Variants in FBXO31 observed in about 807,000 individuals in gnomAD.
FBXO31 encodes F-box protein 31.
In FBXO31, 24 loss-of-function variants were observed where a neutral mutation model predicts 54.4. The ratio of observed to expected loss-of-function variants is 0.44; its 90% CI spans 0.32 to 0.62. FBXO31 has a LOEUF of 0.62. Among genes scored for constraint, FBXO31 ranks in the 20% least tolerant of loss-of-function variants. The pLI is 0.05. For synonymous variants in FBXO31, 388 were observed against 335.6 expected (o/e 1.16, Z -1.71); for missense variants, 665 against 787.1 (o/e 0.84, Z 1.86).
At chr16:87,379,654 T>A (rs899021923) in intron 1 of FBXO31, among the ~76,000 whole-genome samples, 4 of 152,072 alleles carry the variant, frequency 2.6e-5, no homozygotes, top group Non-Finnish European at 5.9e-5. Flanking sequence ...GAGTACTCAT[T>A]TCATCCATCA....
At chr16:87,341,316 G>A (rs1193150902) in intron 5 of FBXO31, among the ~76,000 whole-genome samples, 2 of 152,164 alleles carry the variant, frequency 1.3e-5, no homozygotes, top group Admixed American at 6.5e-5. Context: ...CTCAACAGCT[G>A]AGGAGTTTCT....
chr16:87,336,216 T>C lies in FBXO31; in HGVS notation c.781A>G (p.Ile261Val), dbSNP rs373407826. 6.2e-7 allele frequency: 1 copy of C among 1,614,086 alleles called. No individual in the cohort carries two copies. Among genetic ancestry groups the C allele is most frequent in the Non-Finnish European group, 8.5e-7 (1 of 1,180,036 alleles). The change falls in exon 6 of 9, where the codon ATC (isoleucine) becomes GTC (valine). Residue 261 changes from isoleucine to valine, a missense_variant. Ile to Val is a conservative substitution (Grantham distance 29). Transcript: ENST00000311635. This position sits in a 1 kb window ranked among gnomAD's most constrained non-coding sequence, Gnocchi z 6.5. ...REEWGRTLED[I>V]FHEHMQELIL... ...AGCTCCTGCATGTGCTCGTGGAAGA[T>C]GTCCTCCAGCGTGCGCCCCCATTCC...
chr16:87,342,782 T>A lies in FBXO31; in HGVS notation c.732+95A>T, dbSNP rs898716814. The A allele has an allele frequency of 2.9e-6, 3 of 1,048,888 alleles. No individual in the cohort carries two copies. In the African/African-American group the frequency reaches 4.8e-5, roughly 17 times the overall value. The allele number at this position is 1,048,888 out of a possible 1,614,324, so 65.0% of individuals were successfully genotyped here. A position where few individuals can be genotyped will look rare whatever the true frequency, so the allele number is the denominator to read the frequency against. ...TGAAACAGCCACCATGCAGGTCGCA[T>A]GCTGCTGACTTCTCTCCCGCATGGG... On this transcript the variant is annotated intron_variant, in intron 5 of 8. Coordinates refer to ENST00000311635, the MANE Select transcript of FBXO31 (RefSeq NM_024735.5).
chr16:87,327,397 C>T lies in FBXO31; in HGVS notation c.*3891G>A. 6.5e-6 allele frequency: 1 copy of T among 153,014 alleles called. No individual in the cohort carries two copies. Among genetic ancestry groups the T allele is most frequent in the Non-Finnish European group, 1.5e-5 (1 of 68,588 alleles). The allele number at this position is 153,014 out of a possible 1,614,324, so 9.5% of individuals were successfully genotyped here. A position where few individuals can be genotyped will look rare whatever the true frequency, so the allele number is the denominator to read the frequency against. On this transcript the variant is annotated 3_prime_UTR_variant, in exon 9 of 9. Coordinates refer to ENST00000311635, the MANE Select transcript of FBXO31 (RefSeq NM_024735.5). ...CAAGGCTGGGGCGCAGGGGCTCACG[C>T]CTGTAATCCCAGCACTTTGGGAGGC...
At chr16:87,354,629 G>GA (rs1905814663) in intron 2 of FBXO31, among the ~76,000 whole-genome samples, 1 of 151,900 alleles carries the variant, frequency 6.6e-6, no homozygotes, top group African/African-American at 2.4e-5. Context: ...TGCACCCAAG[G>GA]AAAAAAGAAA....
At chr16:87,331,597 T>C (rs2150666639) in intron 8 of FBXO31, 87 bp from the exon 9 acceptor site, 2 of 1,128,604 alleles carry the variant, frequency 1.8e-6, no homozygotes, top group East Asian at 2.6e-5. Flanking sequence ...CCCCGCTCTG[T>C]GCCGCAAGAG....
intron 1 of FBXO31, among the ~76,000 whole-genome samples, chr16:87,389,073 A>G (rs1907424075): frequency 1.3e-5 from 2 of 152,114 alleles, no homozygotes. Flanking sequence ...ATAAATACTC[A>G]AGCACACTTA....
At chr16:87,347,035 G>T (rs540429755) in intron 3 of FBXO31, 139 bp downstream of exon 3, 13 of 773,802 alleles carry the variant, frequency 1.7e-5, no homozygotes, top group Non-Finnish European at 2.9e-5. Flanking sequence ...AAAAGTGACA[G>T]AGCAAGAATT....
upstream of FBXO31, chr16:87,384,143 C>A (rs935672147): frequency 1.3e-5 from 2 of 154,118 alleles, no homozygotes; most frequent in Admixed American, 1.3e-4. Context: ...TAGGGGTCGC[C>A]CCTCGCGCCC....
At chr16:87,332,022 G>A (rs754897465) in intron 8 of FBXO31, among the ~76,000 whole-genome samples, 1 of 152,238 alleles carries the variant, frequency 6.6e-6, no homozygotes, top group African/African-American at 2.4e-5. Flanking sequence ...ATGGCTTTGA[G>A]GTCAACATCA....
At chr16:87,387,474 T>C (rs1392537056), upstream of FBXO31, among the ~76,000 whole-genome samples, 9 of 152,136 alleles carry the variant, frequency 5.9e-5, no homozygotes, top group Admixed American at 5.9e-4. Flanking sequence ...TTCCAATTGG[T>C]TGCCTCAAAG....
Position 87,334,067 on chromosome 16 carries a change from G to C in FBXO31, c.1216C>G (p.Gln406Glu). 6.2e-7 allele frequency: 1 copy of C among 1,611,452 alleles called. No homozygotes were observed. Among genetic ancestry groups the C allele is most frequent in the Non-Finnish European group, 8.5e-7 (1 of 1,179,058 alleles). The change falls in exon 8 of 9, where the codon CAG becomes GAG. Residue 406 changes from glutamine to glutamate, a missense_variant. This residue lies in a region of FBXO31 where 165 missense variants were observed against 159.7 expected (regional missense o/e 1.03). Coordinates refer to ENST00000311635, the MANE Select transcript of FBXO31 (RefSeq NM_024735.5). ...GPRESQPSPA[Q>E]PRAEAPSKGP... Reference sequence around the variant, plus strand: ...TTGCTGGGCGCCTCTGCCCTGGGCTGGGCAGGGCTTGGCTGGGACTCCCGG... The same window carrying C: ...TTGCTGGGCGCCTCTGCCCTGGGCTCGGCAGGGCTTGGCTGGGACTCCCGG...
chr16:87,333,199 G>C (rs904391009), intron 8 of FBXO31, among the ~76,000 whole-genome samples: 1 of 152,232 alleles, frequency 6.6e-6, no homozygotes, highest in African/African-American at 2.4e-5. Flanking sequence ...AAAAGTCAGC[G>C]AGACAGGAGC....
intron 1 of FBXO31, among the ~76,000 whole-genome samples, chr16:87,360,905 C>T (rs930587543): frequency 6.6e-6 from 1 of 152,186 alleles, no homozygotes; most frequent in African/African-American, 2.4e-5. Context: ...GGGCCCAGTG[C>T]AGGGCCCTGG....
intron 5 of FBXO31, 54 bp downstream of exon 5, chr16:87,342,823 T>C: frequency 2.1e-6 from 3 of 1,447,532 alleles, no homozygotes; most frequent in Non-Finnish European, 2.8e-6. Context: ...ACTTTCCCCG[T>C]GGGGAAAGGA....
Position 87,335,227 on chromosome 16 carries a change from C to T in FBXO31, c.996+77G>A. ...CAAGGGTGCCGGGGATCAGTGTCTG[C>T]CCAAGTTCCCTGACTCCACAGCCCA... On this transcript the variant is annotated intron_variant, in intron 7 of 8. Transcript: ENST00000311635. This position sits in a 1 kb window ranked among gnomAD's most constrained non-coding sequence, Gnocchi z 5.7. 1.3e-6 allele frequency: 2 copies of T among 1,593,512 alleles called. No individual in the cohort carries two copies. Among genetic ancestry groups the T allele is most frequent in the Non-Finnish European group, 1.7e-6 (2 of 1,172,700 alleles).
intron 1 of FBXO31, among the ~76,000 whole-genome samples, chr16:87,378,588 C>G (rs944439948): frequency 2.0e-5 from 3 of 152,234 alleles, no homozygotes; most frequent in Non-Finnish European, 4.4e-5. Flanking sequence ...TGGGAAGCAC[C>G]TAGCAAAACT....
chr16:87,378,697 C>T (rs182433406), intron 1 of FBXO31, among the ~76,000 whole-genome samples: 202 of 152,308 alleles, frequency 1.3e-3, no homozygotes, highest in Non-Finnish European at 2.4e-3. Flanking sequence ...CGCGGTGGCT[C>T]ACGCCTGTAA....
upstream of FBXO31, chr16:87,384,320 A>T (rs1338654456): frequency 6.6e-6 from 1 of 152,068 alleles, no homozygotes; most frequent in African/African-American, 2.4e-5. Flanking sequence ...GCCTTATGGT[A>T]ACCAAAAGGC....
Sources: allele counts gnomAD v4.1 joint callset (sites outside exome capture counted in the v4.1 genomes callset), GRCh38; gene constraint gnomAD v4.1.1; regional missense constraint gnomAD v4.1.1; non-coding constraint Gnocchi (gnomAD v3.1); transcripts MANE v1.5; gene names NCBI Gene and HGNC (gene_info 2026-07-23, HGNC 2026-07-21).